The following CENPC variants were observed in gnomAD, a reference collection of about 807,000 sequenced individuals.
CENPC encodes the protein centromere protein C, also known as CENP-C 1.
A neutral mutation model predicts 112.1 loss-of-function variants in CENPC; 63 were observed. That is an observed-to-expected ratio of 0.56 (90% CI 0.46 to 0.69). The LOEUF is 0.69. CENPC is among the 30% of genes least tolerant of loss of function. CENPC has a pLI of 0.00. For synonymous variants in CENPC, 333 were observed against 367.6 expected (o/e 0.91, Z 1.08); for missense variants, 1,000 against 1,103.8 (o/e 0.91, Z 1.33).
intron 5 of CENPC, 47 bp from the exon 6 acceptor site, chr4:67,519,549 A>G: frequency 1.6e-6 from 2 of 1,241,132 alleles, no homozygotes; most frequent in Non-Finnish European, 2.1e-6. Flanking sequence ...AAGAATAATA[A>G]GAGAATCAAG....
intron 9 of CENPC, among the ~76,000 whole-genome samples, chr4:67,511,565 T>C (rs1725892512): frequency 2.0e-5 from 3 of 152,294 alleles, no homozygotes; most frequent in East Asian, 1.9e-4. Context: ...AATTTCAGGA[T>C]TGTTCCCGTC....
At chr4:67,477,395 C>T (rs189209815) in intron 17 of CENPC, among the ~76,000 whole-genome samples, 175 of 152,312 alleles carry the variant, frequency 1.1e-3, no homozygotes, top group Non-Finnish European at 2.2e-3. Flanking sequence ...GCAGGCACTT[C>T]CCAGTACCAG....
chr4:67,530,781 C>A, intron 5 of CENPC, 34 bp downstream of exon 5: 2 of 1,097,020 alleles, frequency 1.8e-6, no homozygotes, highest in Admixed American at 2.6e-5. Flanking sequence ...TTAAATATAT[C>A]CAAGCAAATA....
chr4:67,535,878 C>A (rs1428892419), intron 4 of CENPC, among the ~76,000 whole-genome samples: 1 of 151,940 alleles, frequency 6.6e-6, no homozygotes, highest in Non-Finnish European at 1.5e-5. Flanking sequence ...AATATGGAGT[C>A]AAAATACCTA....
chr4:67,491,549 G>A (rs568949302), intron 16 of CENPC, among the ~76,000 whole-genome samples: 14 of 120,708 alleles, frequency 1.2e-4, no homozygotes, highest in Non-Finnish European at 2.2e-4. Context: ...AAACAGTTGC[G>A]TAATCCATAA....
intron 17 of CENPC, among the ~76,000 whole-genome samples, chr4:67,475,937 C>T (rs187447521): frequency 5.8e-4 from 89 of 152,244 alleles, no homozygotes; most frequent in African/African-American, 2.1e-3. Context: ...CACTGCCTAA[C>T]GATGTTTCAG....
rs539648590 is a variant in CENPC, at chr4:67,486,695, C to T, written c.2670+3272G>A. 2.6e-5 allele frequency among the ~76,000 whole-genome samples: 4 copies of T among 152,276 alleles called. No homozygotes were observed. In the East Asian group the frequency reaches 7.7e-4, roughly 29 times the overall value. ...TACAGGGCCTTACCTACAGGACGGC[C>T]CCCACTACAACAAAGAAGTATCTAA... On this transcript the variant is annotated intron_variant, in intron 17 of 18. Coordinates refer to ENST00000273853, the MANE Select transcript of CENPC (RefSeq NM_001812.4).
rs1269946345 is a variant in CENPC, at chr4:67,518,128, C to T, written c.830+28G>A. On this transcript the variant is annotated intron_variant, in intron 7 of 18. Coordinates refer to ENST00000273853, the MANE Select transcript of CENPC (RefSeq NM_001812.4). Reference sequence around the variant, plus strand: ...TTCATAGAATATAAAAGAAAAATGTCTCAAAGGGCAGTTTCTTAATAACTC... The same window carrying T: ...TTCATAGAATATAAAAGAAAAATGTTTCAAAGGGCAGTTTCTTAATAACTC... 4.7e-5 allele frequency: 59 copies of T among 1,256,628 alleles called. No homozygotes were observed. The Admixed American group carries it at 1.4e-3, about 30-fold the overall frequency. 77.8% of individuals were successfully genotyped at this position (1,256,628 alleles called of 1,614,324 possible). A position where few individuals can be genotyped will look rare whatever the true frequency, so the allele number is the denominator to read the frequency against.
At chr4:67,489,111 T>C (rs1725167236) in intron 17 of CENPC, among the ~76,000 whole-genome samples, 1 of 151,876 alleles carries the variant, frequency 6.6e-6, no homozygotes, top group African/African-American at 2.4e-5. Flanking sequence ...TTCTTAAAAT[T>C]TGGTGCTTTT....
intron 5 of CENPC, among the ~76,000 whole-genome samples, chr4:67,520,422 A>G (rs1323794449): frequency 2.0e-5 from 3 of 152,168 alleles, no homozygotes; most frequent in Non-Finnish European, 4.4e-5. Flanking sequence ...AGGCCATCCC[A>G]GTCCCTACTT....
chr4:67,517,758 A>G (rs1203604550), intron 7 of CENPC, among the ~76,000 whole-genome samples: 1 of 151,870 alleles, frequency 6.6e-6, no homozygotes, highest in Admixed American at 6.6e-5. Flanking sequence ...AATCTCTTGA[A>G]CCCAGGAGGG....
In CENPC at chr4:67,469,696, AG is replaced by A. The variant is rs1724601562; in HGVS notation, c.*2908del. ...GAGCATGAGGGCTGCCTGACAAAGT[AG>A]GCAGGACTGTGATTCTTTAAAGACA... On this transcript the variant is annotated 3_prime_UTR_variant, in exon 19 of 19. Transcript: ENST00000273853. 1 of 152,230 alleles carries A rather than the reference AG, an allele frequency of 6.6e-6. No individual in the cohort carries two copies. Among genetic ancestry groups the A allele is most frequent in the South Asian group, 2.1e-4 (1 of 4,828 alleles). The allele number at this position is 152,230 out of a possible 1,614,324, so 9.4% of individuals were successfully genotyped here.
At chr4:67,511,329 GTACTAATC>G (rs1252719522) in intron 9 of CENPC, among the ~76,000 whole-genome samples, 5 of 152,108 alleles carry the variant, frequency 3.3e-5, no homozygotes, top group African/African-American at 9.7e-5. Context: ...TGCCATAGTT[GTACTAATC>G]ATTCACTTAT....
At chr4:67,493,685 G>A in intron 14 of CENPC, 199 bp downstream of exon 14, 1 of 483,888 alleles carries the variant, frequency 2.1e-6, no homozygotes. Flanking sequence ...AGATGATACA[G>A]GAATAACAAC....
intron 16 of CENPC, among the ~76,000 whole-genome samples, chr4:67,490,379 TAAG>T (rs1459197077): frequency 6.6e-6 from 1 of 152,076 alleles, no homozygotes; most frequent in Admixed American, 6.6e-5. Flanking sequence ...TAAATAATAA[TAAG>T]TTCATCTATT....
intron 5 of CENPC, among the ~76,000 whole-genome samples, chr4:67,522,826 C>T (rs1235636507): frequency 1.3e-5 from 2 of 152,010 alleles, no homozygotes; most frequent in East Asian, 1.9e-4. Context: ...ATGGTGAAAC[C>T]CCATCTCTAC....
intron 18 of CENPC, among the ~76,000 whole-genome samples, chr4:67,474,064 TA>T (rs577037670): frequency 2.6e-4 from 19 of 73,518 alleles, no homozygotes; most frequent in Non-Finnish European, 3.6e-4. Flanking sequence ...ACTATATACA[TA>T]AATGTATTTT....
chr4:67,527,166 T>C (rs1726405507), intron 5 of CENPC, among the ~76,000 whole-genome samples: 1 of 152,088 alleles, frequency 6.6e-6, no homozygotes. Flanking sequence ...AATGAATACA[T>C]TTGAAAAGGG....
At chr4:67,530,650 A>G (rs1726520427) in intron 5 of CENPC, among the ~76,000 whole-genome samples, 165 bp downstream of exon 5, 1 of 152,218 alleles carries the variant, frequency 6.6e-6, no homozygotes, top group African/African-American at 2.4e-5. Flanking sequence ...AAGAGCACTG[A>G]CCATGGAGTT....
Sources: gnomAD v4.1 joint callset for allele counts (sites outside exome capture counted in the v4.1 genomes callset) on GRCh38, gnomAD v4.1.1 for gene constraint, MANE v1.5 for transcripts, NCBI Gene and HGNC (gene_info 2026-07-23, HGNC 2026-07-21) for gene names.